The following TRIM41 variants were observed in gnomAD, a reference collection of about 807,000 sequenced individuals.
TRIM41 encodes E3 ubiquitin-protein ligase TRIM41.
Under a neutral mutation model 60.6 loss-of-function variants are expected in TRIM41, and 21 were observed. That is an observed-to-expected ratio of 0.35 (90% CI 0.25 to 0.50). TRIM41 has a LOEUF of 0.50. Ranked by LOEUF, TRIM41 falls within the 20% of genes least tolerant of loss-of-function variation. The pLI is 0.98. For synonymous variants in TRIM41, 407 were observed against 344.9 expected (o/e 1.18, Z -2.00); for missense variants, 846 against 868.3 (o/e 0.97, Z 0.32).
rs761064505 is a variant in TRIM41, at chr5:181,224,773, C to T, written c.774C>T (p.His258=). ...GAGAATCCAGGAGCCACAAACAGCA[C>T]AGCGTGGTGCCATTGGAGGAGGTGG... ...VCRESRSHKQ[H]SVVPLEEVVQ... The change falls in exon 1 of 6, where the codon CAC becomes CAT. Residue 258 remains histidine, a synonymous_variant. Coordinates refer to ENST00000315073, the MANE Select transcript of TRIM41 (RefSeq NM_033549.5). 1.9e-6 allele frequency: 3 copies of T among 1,614,176 alleles called. No homozygotes were observed. The highest frequency in any genetic ancestry group is 2.5e-6 in the Non-Finnish European group (3 of 1,180,040).
chr5:181,235,607 T>G lies in TRIM41; in HGVS notation c.*832T>G. On this transcript the variant is annotated 3_prime_UTR_variant, in exon 6 of 6. Coordinates refer to ENST00000315073, the MANE Select transcript of TRIM41 (RefSeq NM_033549.5). ...CCCAGCCCCTTTCCATGCCTTTCAC[T>G]CCATTTGGCAAGCTCTGAGGGGGAG... is the stretch of plus-strand genomic sequence containing the variant. 1.6e-6 allele frequency: 1 copy of G among 639,016 alleles called. No individual in the cohort carries two copies. Among genetic ancestry groups the G allele is most frequent in the South Asian group, 2.0e-5 (1 of 49,916 alleles). The allele number at this position is 639,016 out of a possible 1,614,324, so 39.6% of individuals were successfully genotyped here.
intron 1 of TRIM41, 183 bp from the exon 2 acceptor site, chr5:181,230,561 A>T: frequency 2.5e-6 from 1 of 399,826 alleles, no homozygotes. Flanking sequence ...GCACAGAGGG[A>T]TTGGAGGCTT....
chr5:181,231,003 A>G, intron 2 of TRIM41, 164 bp downstream of exon 2: 1 of 562,802 alleles, frequency 1.8e-6, no homozygotes, highest in South Asian at 1.9e-5. Flanking sequence ...GCGGGGCCTT[A>G]GAGAATCAGG....
Position 181,233,658 on chromosome 5 carries a change from C to T in TRIM41, c.1186C>T (p.Pro396Ser). 7.4e-6 allele frequency: 12 copies of T among 1,614,198 alleles called. No homozygotes were observed. The highest frequency in any genetic ancestry group is 1.0e-5 in the Non-Finnish European group (12 of 1,180,026). ...FNRCEEVQLQ[P>S]PEVWSPDPCQ... ...CAGGTGTGAAGAGGTACAGCTGCAG[C>T]CCCCAGAGGTCTGGTCCCCTGACCC... The change falls in exon 5 of 6, where the codon CCC (proline) becomes TCC (serine). Residue 396 changes from proline to serine, a missense_variant. Physicochemically the swap from Pro to Ser is moderately conservative, Grantham distance 74 (BLOSUM62 -1). Transcript: ENST00000315073. This position sits in a 1 kb window ranked among gnomAD's most constrained non-coding sequence, Gnocchi z 4.1.
In TRIM41 at chr5:181,224,283, TGGA is replaced by T. The variant is rs765784659; in HGVS notation, c.293_295del (p.Glu98del). ...CGGGATGAAGACTACGAGGGTGACA[TGGA>T]GGAGGAGGTCGAGGAGGAAGAAGAG... On this transcript the variant is annotated inframe_deletion, in exon 1 of 6. Transcript: ENST00000315073. The T allele has an allele frequency of 1.9e-6, 3 of 1,612,646 alleles. No individual in the cohort carries two copies. In the Admixed American group the frequency reaches 5.0e-5, roughly 27 times the overall value.
In TRIM41 at chr5:181,235,186, A is replaced by T; in HGVS notation, c.*411A>T. The stretch of plus-strand genomic sequence containing the variant: ...GAGGCTGGAGGGTTTGGGCAAGGCA[A>T]CATCCCCATTCCAATTCCATTTTCT... On this transcript the variant is annotated 3_prime_UTR_variant, in exon 6 of 6. Coordinates refer to ENST00000315073, the MANE Select transcript of TRIM41 (RefSeq NM_033549.5). The T allele has an allele frequency of 6.5e-7, 1 of 1,539,968 alleles. No homozygotes were observed.
chr5:181,232,821 G>T lies in TRIM41; in HGVS notation c.1072G>T (p.Ala358Ser), dbSNP rs749063874. Residue 358 changes from alanine (A) to serine (S), a missense_variant, in exon 3 of 6, where the codon GCC (alanine) becomes TCC (serine). By Grantham distance (99) the Ala-to-Ser change is moderately conservative. Transcript: ENST00000315073. Reference sequence around the variant, plus strand: ...GGCTAGTCGCCTTGCAGAACAGGCCGCCCAGCTCAGCCGCCTGCTGGCAGA... The same window carrying T: ...GGCTAGTCGCCTTGCAGAACAGGCCTCCCAGCTCAGCCGCCTGCTGGCAGA... Reference protein sequence around the residue: ...AAASRLAEQAAQLSRLLAEAQ... With the variant: ...AAASRLAEQASQLSRLLAEAQ... The T allele has an allele frequency of 7.6e-6, 12 of 1,574,816 alleles. No homozygotes were observed. Among genetic ancestry groups the T allele is most frequent in the Middle Eastern group, 1.7e-4 (1 of 6,028 alleles).
rs1758956806 is a variant in TRIM41, at chr5:181,234,260, CAGG to C, written c.1382_1384del (p.Glu461del). ...GGGGGTCCGCCTGGCAGAGCGGCGGCAGGAGGTTGCTGACCATCCCAAGCGCTT... is the reference window on the plus strand; with the variant it reads ...GGGGGTCCGCCTGGCAGAGCGGCGGCAGGTTGCTGACCATCCCAAGCGCTT... On this transcript the variant is annotated inframe_deletion, in exon 6 of 6. Coordinates refer to ENST00000315073, the MANE Select transcript of TRIM41 (RefSeq NM_033549.5). This position sits in a 1 kb window ranked among gnomAD's most constrained non-coding sequence, Gnocchi z 5.6. 1 of 1,613,104 alleles carries C rather than the reference CAGG, an allele frequency of 6.2e-7. No homozygotes were observed. Among genetic ancestry groups the C allele is most frequent in the African/African-American group, 1.3e-5 (1 of 75,048 alleles).
At chr5:181,232,379 G>C in intron 2 of TRIM41, 1 of 429,216 alleles carries the variant, frequency 2.3e-6, no homozygotes. Flanking sequence ...GGCTTGTCTT[G>C]GAATATTTAA....
rs1758402947 is a variant in TRIM41, at chr5:181,223,797, C to T, written c.-203C>T. The T allele has an allele frequency of 5.6e-5, 35 of 626,776 alleles. No homozygotes were observed. In the South Asian group the frequency reaches 6.7e-4, roughly 12 times the overall value. 38.8% of individuals were successfully genotyped at this position (626,776 alleles called of 1,614,324 possible). A position where few individuals can be genotyped will look rare whatever the true frequency, so the allele number is the denominator to read the frequency against. The stretch of plus-strand genomic sequence containing the variant: ...GTGGCGCCCAGCACTGTCCCCTCCC[C>T]TCGTAGAGACACGGTTGTCGTTTGG... On this transcript the variant is annotated 5_prime_UTR_variant, in exon 1 of 6. Transcript: ENST00000315073.
At position 181,233,983 on chromosome 5, in the gene TRIM41, G is replaced by C. The variant is rs1425512462; in HGVS notation, c.1292-191G>C. ...TGGAGTGGCAGGAAGAGCCAGGCTG[G>C]GGGAAGACCTGTCAGGTATCCTAGG... is the stretch of plus-strand genomic sequence containing the variant. On this transcript the variant is annotated intron_variant, in intron 5 of 5. Coordinates refer to ENST00000315073, the MANE Select transcript of TRIM41 (RefSeq NM_033549.5). This position sits in a 1 kb window ranked among gnomAD's most constrained non-coding sequence, Gnocchi z 4.1. 8.4e-7 allele frequency: 1 copy of C among 1,186,308 alleles called. No individual in the cohort carries two copies. Among genetic ancestry groups the C allele is most frequent in the East Asian group, 2.5e-5 (1 of 39,738 alleles). The allele number at this position is 1,186,308 out of a possible 1,614,324, so 73.5% of individuals were successfully genotyped here.
In TRIM41 at chr5:181,234,827, T is replaced by C; in HGVS notation, c.*52T>C. The C allele has an allele frequency of 6.2e-7, 1 of 1,606,080 alleles. No individual in the cohort carries two copies. The highest frequency in any genetic ancestry group is 8.5e-7 in the Non-Finnish European group (1 of 1,176,026). On this transcript the variant is annotated 3_prime_UTR_variant, in exon 6 of 6. Transcript: ENST00000315073. This position sits in a 1 kb window ranked among gnomAD's most constrained non-coding sequence, Gnocchi z 5.6. ...CTGTCAGCACTTGGGGGGTGGGTGG[T>C]GGAGGGTGGCCCGTAAGTTTGAGGG...
chr5:181,224,231 G>C lies in TRIM41; in HGVS notation c.232G>C (p.Ala78Pro), dbSNP rs6601178. The stretch of plus-strand genomic sequence containing the variant: ...GGAGGAGGAAGTGGAGGCTGTGGGG[G>C]CTGGCGCGGGGTGGGACACCCCCAT... ...GEEEEVEAVGAGAGWDTPMRD... is the reference protein window; with the variant it reads ...GEEEEVEAVGPGAGWDTPMRD... Residue 78 changes from alanine to proline, a missense_variant, in exon 1 of 6, where the codon GCT (alanine) becomes CCT (proline). Coordinates refer to ENST00000315073, the MANE Select transcript of TRIM41 (RefSeq NM_033549.5). The C allele has an allele frequency of 8.7e-6, 14 of 1,613,916 alleles. No homozygotes were observed. The highest frequency in any genetic ancestry group is 1.2e-5 in the Non-Finnish European group (14 of 1,179,972).
In TRIM41 at chr5:181,233,140, CTTT is replaced by C; in HGVS notation, c.1140+254_1140+256del. On this transcript the variant is annotated intron_variant, in intron 3 of 5. Coordinates refer to ENST00000315073, the MANE Select transcript of TRIM41 (RefSeq NM_033549.5). This position sits in a 1 kb window ranked among gnomAD's most constrained non-coding sequence, Gnocchi z 4.1. ...GGTTTAAATGACAGTTGAGGAAAGT[CTTT>C]TTGACAGTGACATCCTGAAAAAGGT... The C allele has an allele frequency of 1.4e-6, 1 of 713,894 alleles. No individual in the cohort carries two copies. Among genetic ancestry groups the C allele is most frequent in the South Asian group, 1.5e-5 (1 of 67,134 alleles). 44.2% of individuals were successfully genotyped at this position (713,894 alleles called of 1,614,324 possible). A position where few individuals can be genotyped will look rare whatever the true frequency, so the allele number is the denominator to read the frequency against.
chr5:181,233,558 C>G lies in TRIM41; in HGVS notation c.1164-78C>G. 6.2e-7 allele frequency: 1 copy of G among 1,609,514 alleles called. No homozygotes were observed. The highest frequency in any genetic ancestry group is 1.7e-5 in the Admixed American group (1 of 59,880). On this transcript the variant is annotated intron_variant, in intron 4 of 5. Coordinates refer to ENST00000315073, the MANE Select transcript of TRIM41 (RefSeq NM_033549.5). This position sits in a 1 kb window ranked among gnomAD's most constrained non-coding sequence, Gnocchi z 4.1. ...CCTGAGTTTCCATCTCCTGGACCCT[C>G]CTCTCCTTCCCCTCAGCTTTTGCTT...
At chr5:181,226,831 G>A (rs1392793581) in intron 1 of TRIM41, 2 of 151,778 alleles carry the variant, frequency 1.3e-5, no homozygotes, top group African/African-American at 4.8e-5. Context: ...AGGTCCTGAA[G>A]TAGGTGAGGA....
At chr5:181,230,396 C>G (rs1241183328) in intron 1 of TRIM41, 1 of 163,640 alleles carries the variant, frequency 6.1e-6, no homozygotes, top group African/African-American at 2.6e-5. Flanking sequence ...ACTGGGAAGG[C>G]TGAGGCAGGA....
Position 181,224,107 on chromosome 5 carries a change from G to C in TRIM41, c.108G>C (p.Gly36=). Residue 36 remains glycine (G), a synonymous_variant, in exon 1 of 6, where the codon GGG becomes GGC. Transcript: ENST00000315073. ...CGGACCCCGTGTCCATCGGCTGCGG[G>C]CACAACTTCTGCCGAGTTTGTGTAA... ...YFTDPVSIGC[G]HNFCRVCVTQ... 1.2e-6 allele frequency: 2 copies of C among 1,614,256 alleles called. No individual in the cohort carries two copies. The highest frequency in any genetic ancestry group is 1.7e-6 in the Non-Finnish European group (2 of 1,180,048).
Position 181,224,348 on chromosome 5 carries a change from T to G in TRIM41, c.349T>G (p.Trp117Gly), listed in dbSNP as rs1758440529. 1.2e-6 allele frequency: 2 copies of G among 1,612,070 alleles called. No individual in the cohort carries two copies. The highest frequency in any genetic ancestry group is 1.3e-5 in the African/African-American group (1 of 74,382). Residue 117 changes from tryptophan (W) to glycine (G), a missense_variant, in exon 1 of 6, where the codon TGG becomes GGG. Trp to Gly is a radical substitution (Grantham distance 184). Coordinates refer to ENST00000315073, the MANE Select transcript of TRIM41 (RefSeq NM_033549.5). ...GACCAGTGGCATGAGCAGGTCCAGC[T>G]GGGACAACATGGACTATGTGTGGGA... The part of the protein sequence containing the change: ...FWTSGMSRSS[W>G]DNMDYVWEEE...
Sources: gnomAD v4.1 joint callset for allele counts on GRCh38, gnomAD v4.1.1 for gene constraint, Gnocchi (gnomAD v3.1) non-coding constraint, MANE v1.5 for transcripts, NCBI Gene and HGNC (gene_info 2026-07-23, HGNC 2026-07-21) for gene names.